The following IL1RAPL1 variants were observed in gnomAD, a reference collection of about 807,000 sequenced individuals.
IL1RAPL1 encodes interleukin 1 receptor accessory protein like 1.
A neutral mutation model predicts 48.4 loss-of-function variants in IL1RAPL1; 3 were observed. The ratio of observed to expected loss-of-function variants is 0.06; its 90% CI spans 0.03 to 0.16. The LOEUF (loss-of-function observed/expected upper bound fraction) is 0.16. IL1RAPL1 is among the 10% of genes least tolerant of loss of function. The pLI, the probability that IL1RAPL1 is intolerant of heterozygous loss-of-function variation, is 1.00. For missense variants in IL1RAPL1, 349 were observed against 530.6 expected (o/e 0.66, Z 3.36); for synonymous variants, 185 against 187.7 (o/e 0.99, Z 0.12).
chrX:29,164,201 A>G (rs908843536), intron 2 of IL1RAPL1, among the ~76,000 whole-genome samples: 1 of 111,534 alleles, frequency 9.0e-6, no homozygotes, highest in Non-Finnish European at 1.9e-5. Context: ...CACATTATCA[A>G]TCAGGAAGAC....
chrX:29,316,584 A>G (rs754600822), intron 3 of IL1RAPL1, among the ~76,000 whole-genome samples: 8 of 112,007 alleles, frequency 7.1e-5, no homozygotes, highest in Non-Finnish European at 1.3e-4. Context: ...GCAAAGACAT[A>G]AATCAATATA....
intron 5 of IL1RAPL1, among the ~76,000 whole-genome samples, chrX:29,469,487 G>C (rs1185315791): frequency 9.0e-6 from 1 of 111,238 alleles, no homozygotes; most frequent in Non-Finnish European, 1.9e-5. Flanking sequence ...TATAAGCTTG[G>C]GTACAGCTAC....
chrX:29,014,108 A>C (rs1481012591), intron 2 of IL1RAPL1, among the ~76,000 whole-genome samples: 1 of 111,642 alleles, frequency 9.0e-6, no homozygotes, highest in Non-Finnish European at 1.9e-5. Flanking sequence ...CTCATTCCTC[A>C]CATCAAACAA....
At chrX:29,661,082 A>AT (rs1231039141) in intron 5 of IL1RAPL1, among the ~76,000 whole-genome samples, 2 of 111,510 alleles carry the variant, frequency 1.8e-5, no homozygotes, top group African/African-American at 6.5e-5. Context: ...TAGGTATTCT[A>AT]TTTTTTGTGC....
intron 2 of IL1RAPL1, among the ~76,000 whole-genome samples, chrX:29,224,672 T>G (rs1021995059): frequency 8.0e-5 from 9 of 112,085 alleles, no homozygotes; most frequent in African/African-American, 2.6e-4. Flanking sequence ...CACTTTTTTG[T>G]AACATTTCAA....
intron 1 of IL1RAPL1, among the ~76,000 whole-genome samples, chrX:28,615,958 A>G (rs888059286): frequency 4.5e-5 from 5 of 111,911 alleles, no homozygotes; most frequent in African/African-American, 1.6e-4. Context: ...AATAATAATA[A>G]TTGTGTTTAA....
At chrX:29,640,990 A>G (rs898156070) in intron 5 of IL1RAPL1, among the ~76,000 whole-genome samples, 3 of 100,587 alleles carry the variant, frequency 3.0e-5, no homozygotes, top group African/African-American at 4.3e-5. Flanking sequence ...CAAAGTGAGA[A>G]CCCCATCTCT....
At chrX:29,161,503 C>T (rs1300205769) in intron 2 of IL1RAPL1, among the ~76,000 whole-genome samples, 2 of 111,862 alleles carry the variant, frequency 1.8e-5, no homozygotes, top group Non-Finnish European at 3.8e-5. Context: ...CTTGAACTTT[C>T]GCAGACACCT....
chrX:29,073,133 A>G (rs182209715), intron 2 of IL1RAPL1, among the ~76,000 whole-genome samples: 19 of 111,916 alleles, frequency 1.7e-4, no homozygotes, highest in Admixed American at 3.8e-4. Context: ...CCTCACCTAT[A>G]TCTGCCTCCA....
intron 6 of IL1RAPL1, among the ~76,000 whole-genome samples, chrX:29,688,283 C>T (rs1926680697): frequency 9.0e-6 from 1 of 111,219 alleles, no homozygotes; most frequent in Non-Finnish European, 1.9e-5. Context: ...TTTGCCTCTT[C>T]CAAGGTCTAT....
At chrX:29,680,032 C>G (rs1926403442) in intron 6 of IL1RAPL1, among the ~76,000 whole-genome samples, 1 of 111,819 alleles carries the variant, frequency 8.9e-6, no homozygotes, top group Non-Finnish European at 1.9e-5. Context: ...ATAGATGGCT[C>G]TTTCAAGCAA....
chrX:28,849,617 A>G (rs754838909), intron 2 of IL1RAPL1, among the ~76,000 whole-genome samples: 1 of 112,351 alleles, frequency 8.9e-6, no homozygotes, highest in East Asian at 2.8e-4. Flanking sequence ...ATCTAATTAG[A>G]CAACTTGGAT....
At chrX:29,366,667 C>T (rs1933463352) in intron 3 of IL1RAPL1, among the ~76,000 whole-genome samples, 1 of 96,145 alleles carries the variant, frequency 1.0e-5, no homozygotes, top group Admixed American at 1.3e-4. Flanking sequence ...CTCCCGGGTT[C>T]ATGCCATTCT....
chrX:29,131,653 C>T (rs963349841), intron 2 of IL1RAPL1, among the ~76,000 whole-genome samples: 6 of 111,277 alleles, frequency 5.4e-5, no homozygotes, highest in Admixed American at 1.9e-4. Context: ...ATCAGTGGCT[C>T]TCAAATTTGA....
In IL1RAPL1 at chrX:29,803,392, CATATGTAT is replaced by C. The variant is rs1157599563; in HGVS notation, c.779-114065_779-114058del. Among the ~76,000 whole-genome samples the C allele has an allele frequency of 7.0e-5, 6 of 85,721 alleles. No individual in the cohort carries two copies. In the East Asian group the frequency reaches 1.1e-3, roughly 16 times the overall value. The allele number at this position is 85,721 out of a possible 115,157, so 74.4% of individuals were successfully genotyped here. ...ATGTATATATGTATACATGTATACA[CATATGTAT>C]ATATGTGTATATGTGTATATGTGTA... On this transcript the variant is annotated intron_variant, in intron 6 of 10. Transcript: ENST00000378993.
intron 2 of IL1RAPL1, among the ~76,000 whole-genome samples, chrX:29,049,516 C>T (rs139235368): frequency 4.5e-5 from 5 of 111,670 alleles, no homozygotes. Context: ...CTGACCCTTT[C>T]ATTTTCTGTT....
rs1923098755 is a variant in IL1RAPL1 at position 29,584,715 on chromosome X, G to A, written c.704-83715G>A. On this transcript the variant is annotated intron_variant, in intron 5 of 10. Coordinates refer to ENST00000378993, the MANE Select transcript of IL1RAPL1 (RefSeq NM_014271.4). ...ATTACACATGTGCACCACCATGCTTGGCTGGTATTTTTTATTTTTTGTTGA... is the reference window on the plus strand; with the variant it reads ...ATTACACATGTGCACCACCATGCTTAGCTGGTATTTTTTATTTTTTGTTGA... Among the ~76,000 whole-genome samples, 5 of 111,382 alleles carry A rather than the reference G, an allele frequency of 4.5e-5. No homozygotes were observed. In the Admixed American group the frequency reaches 4.8e-4, roughly 11 times the overall value.
intron 2 of IL1RAPL1, among the ~76,000 whole-genome samples, chrX:29,034,166 C>T (rs182240064): frequency 1.2e-4 from 13 of 111,555 alleles, no homozygotes; most frequent in African/African-American, 1.6e-4. Context: ...GTCTTTATGT[C>T]GCAAGTATTT....
chrX:28,687,814 G>T (rs1166353197), intron 1 of IL1RAPL1, among the ~76,000 whole-genome samples: 1 of 103,534 alleles, frequency 9.7e-6, no homozygotes, highest in East Asian at 3.2e-4. Context: ...ATAAAATATG[G>T]GGGCAGGGGG....
Sources: allele counts gnomAD v4.1 joint callset (sites outside exome capture counted in the v4.1 genomes callset), GRCh38; gene constraint gnomAD v4.1.1; transcripts MANE v1.5; gene names NCBI Gene and HGNC (gene_info 2026-07-23, HGNC 2026-07-21).